COL22A1: variants seen among roughly 807,000 people sequenced by gnomAD.
The protein encoded by COL22A1 is collagen type XXII alpha 1 chain, also known as collagen alpha-1(XXII) chain.
COL22A1 carries 221 observed loss-of-function variants against 248.9 expected under a neutral mutation model. The ratio of observed to expected loss-of-function variants is 0.89; its 90% CI spans 0.80 to 0.99. The LOEUF is 0.99. Ranked by LOEUF, COL22A1 falls within the 50% of genes least tolerant of loss-of-function variation. COL22A1 has a pLI of 0.00. For synonymous variants in COL22A1, 891 were observed against 793.4 expected, an observed-to-expected ratio of 1.12 and a Z score of -2.07; for missense variants, 2,240 against 2,179.0, an observed-to-expected ratio of 1.03 and a Z score of -0.56.
At position 138,613,905 on chromosome 8, in the gene COL22A1, TG is replaced by T. The variant is rs1411956970; in HGVS notation, c.3939del (p.Thr1314LeufsTer114). 6.2e-7 allele frequency: 1 copy of T among 1,613,300 alleles called. No homozygotes were observed. The highest frequency in any genetic ancestry group is 1.3e-5 in the African/African-American group (1 of 74,904). On this transcript the variant is annotated frameshift_variant, in exon 56 of 65. Coordinates refer to ENST00000303045, the MANE Select transcript of COL22A1 (RefSeq NM_152888.3). LOFTEE classifies it high-confidence loss of function. ...GLPGKDGDTG[P>X]TGPQGPQGPR... ...GGTCCTTGGGGACCCTGTGGCCCAG[TG>T]GGTCCAGTGTCACCCTGGAACAAAG...
intron 3 of COL22A1, among the ~76,000 whole-genome samples, chr8:138,847,031 C>T (rs922509650): frequency 6.6e-6 from 1 of 152,166 alleles, no homozygotes; most frequent in Admixed American, 6.5e-5. Context: ...ACCCCAGGGG[C>T]TTGTTTCCAT....
chr8:138,663,833 T>C, intron 41 of COL22A1, 93 bp from the exon 42 acceptor site: 2 of 1,001,276 alleles, frequency 2.0e-6, no homozygotes, highest in East Asian at 2.4e-5. Context: ...GGTCCTCAGT[T>C]GTCCTAGGAG....
At chr8:138,849,821 C>A (rs1169733644) in intron 3 of COL22A1, among the ~76,000 whole-genome samples, 1 of 151,972 alleles carries the variant, frequency 6.6e-6, no homozygotes, top group Non-Finnish European at 1.5e-5. Context: ...GAACTGAGCC[C>A]AGGGAGTCAG....
chr8:138,592,797 T>G (rs773353309), intron 63 of COL22A1, among the ~76,000 whole-genome samples: 3 of 152,192 alleles, frequency 2.0e-5, no homozygotes, highest in African/African-American at 7.2e-5. Context: ...TGAAATTGCC[T>G]TATTCAAAAA....
intron 46 of COL22A1, among the ~76,000 whole-genome samples, chr8:138,648,110 G>T (rs6982714): frequency 0.78 from 119,064 of 152,146 alleles, 47,660 homozygotes; most frequent in Middle Eastern, 0.94. Context: ...TCAAATAAAG[G>T]CCTGTTTTTA....
intron 42 of COL22A1, among the ~76,000 whole-genome samples, chr8:138,662,668 C>T (rs1322670283): frequency 6.6e-6 from 1 of 152,116 alleles, no homozygotes; most frequent in African/African-American, 2.4e-5. Flanking sequence ...TGGAACTGTG[C>T]TACCGGGCTG....
intron 3 of COL22A1, among the ~76,000 whole-genome samples, chr8:138,853,340 C>A (rs1447521645): frequency 6.6e-6 from 1 of 152,204 alleles, no homozygotes; most frequent in Non-Finnish European, 1.5e-5. Flanking sequence ...TCTTCTTCCC[C>A]TAACTCCTTG....
chr8:138,643,667 C>CAGACAGACAGACAGACAGAT (rs1821935862), intron 47 of COL22A1, among the ~76,000 whole-genome samples: 1 of 85,664 alleles, frequency 1.2e-5, no homozygotes, highest in Admixed American at 1.2e-4. Flanking sequence ...GATAGATAGA[C>CAGACAGACAGACAGACAGAT]AGATAGATTG....
At chr8:138,694,913 C>A in intron 32 of COL22A1, 34 bp from the exon 33 acceptor site, 1 of 1,607,368 alleles carries the variant, frequency 6.2e-7, no homozygotes, top group Non-Finnish European at 8.5e-7. Flanking sequence ...GAGTGGACTT[C>A]AGGGAGAACT....
At chr8:138,729,752 C>G (rs1830572977) in intron 23 of COL22A1, among the ~76,000 whole-genome samples, 3 of 152,216 alleles carry the variant, frequency 2.0e-5, no homozygotes, top group Admixed American at 2.0e-4. Context: ...TACCCCAGAC[C>G]CTGGTCTCTT....
rs1236773096 is a variant in COL22A1 at position 138,877,804 on chromosome 8, C to A, written c.604G>T (p.Asp202Tyr). 3.7e-6 allele frequency: 6 copies of A among 1,610,354 alleles called. No homozygotes were observed. The East Asian group carries it at 6.7e-5, about 18-fold the overall frequency. The stretch of plus-strand genomic sequence containing the variant: ...CGGATCTTGTCGATGGCATTGAAGT[C>A]GGACACGTGGAAGACGTGGGCGGAC... ...PKSAHVFHVSDFNAIDKIRGK... is the reference protein window; with the variant it reads ...PKSAHVFHVSYFNAIDKIRGK... The change falls in exon 3 of 65, where the codon GAC becomes TAC. Residue 202 changes from aspartate to tyrosine, a missense_variant. By Grantham distance (160) the Asp-to-Tyr change is radical (BLOSUM62 -3). Coordinates refer to ENST00000303045, the MANE Select transcript of COL22A1 (RefSeq NM_152888.3).
chr8:138,708,360 G>A (rs981366726), intron 30 of COL22A1, among the ~76,000 whole-genome samples: 3 of 152,216 alleles, frequency 2.0e-5, no homozygotes, highest in Admixed American at 6.5e-5. Context: ...CAAAGCTGGA[G>A]GCATCAGGCT....
chr8:138,618,113 T>C (rs1277689763), intron 53 of COL22A1, among the ~76,000 whole-genome samples: 1 of 152,188 alleles, frequency 6.6e-6, no homozygotes, highest in African/African-American at 2.4e-5. Context: ...ACGTTACATG[T>C]CCTACCTTCT....
intron 2 of COL22A1, among the ~76,000 whole-genome samples, chr8:138,881,379 G>A (rs1824191499): frequency 6.6e-6 from 1 of 152,056 alleles, no homozygotes; most frequent in South Asian, 2.1e-4. Context: ...AGTCCAGGGA[G>A]AAAAGCCTTA....
At chr8:138,881,381 A>C (rs920749556) in intron 2 of COL22A1, among the ~76,000 whole-genome samples, 3 of 151,572 alleles carry the variant, frequency 2.0e-5, no homozygotes, top group Admixed American at 2.0e-4. Context: ...TCCAGGGAGA[A>C]AAGCCTTAGA....
intron 48 of COL22A1, among the ~76,000 whole-genome samples, chr8:138,635,625 A>C (rs1458460092): frequency 6.6e-6 from 1 of 152,136 alleles, no homozygotes; most frequent in Non-Finnish European, 1.5e-5. Flanking sequence ...AAGTTATAGA[A>C]CAAAGCTTGG....
At position 138,788,304 on chromosome 8, in the gene COL22A1, T is replaced by G. The variant is rs116123846; in HGVS notation, c.1597-7324A>C. Reference sequence around the variant, plus strand: ...TTGCCAGCATGACAAATGCAGGCTGTGAAGTCTGAAAACATGAACTCAAAT... The same window carrying G: ...TTGCCAGCATGACAAATGCAGGCTGGGAAGTCTGAAAACATGAACTCAAAT... On this transcript the variant is annotated intron_variant, in intron 12 of 64. Coordinates refer to ENST00000303045, the MANE Select transcript of COL22A1 (RefSeq NM_152888.3). Among the ~76,000 whole-genome samples the G allele has an allele frequency of 7.7e-3, 1,177 of 152,308 alleles. 14 individuals carry two copies. Among genetic ancestry groups the G allele is most frequent in the African/African-American group, 0.027 (1,123 of 41,564 alleles).
intron 7 of COL22A1, among the ~76,000 whole-genome samples, chr8:138,819,935 AC>A: frequency 6.6e-6 from 1 of 152,096 alleles, no homozygotes. Flanking sequence ...GCTGTTGCTT[AC>A]ATTTTCCTCA....
intron 49 of COL22A1, among the ~76,000 whole-genome samples, chr8:138,632,427 C>T (rs1262074823): frequency 6.6e-6 from 1 of 152,158 alleles, no homozygotes; most frequent in Non-Finnish European, 1.5e-5. Context: ...CCAATAGGGA[C>T]CTTCCATGAA....
Sources: allele counts gnomAD v4.1 joint callset (sites outside exome capture counted in the v4.1 genomes callset), GRCh38; gene constraint gnomAD v4.1.1; transcripts MANE v1.5; gene names NCBI Gene and HGNC (gene_info 2026-07-23, HGNC 2026-07-21).